Variants in VSTM4 observed in about 807,000 individuals in gnomAD.
VSTM4 encodes V-set and transmembrane domain-containing protein 4.
In VSTM4, 20 loss-of-function variants were observed where a neutral mutation model predicts 36.4. The observed-to-expected ratio is 0.55, with a 90% CI of 0.39 to 0.80. VSTM4 has a LOEUF of 0.80. Ranked by LOEUF, VSTM4 falls within the 30% of genes least tolerant of loss-of-function variation. The pLI is 0.00. For missense variants in VSTM4, 392 were observed against 404.5 expected (o/e 0.97, Z 0.26); for synonymous variants, 182 against 173.9 (o/e 1.05, Z -0.37).
At chr10:49,024,050 A>G (rs781309716) in intron 7 of VSTM4, among the ~76,000 whole-genome samples, 1 of 152,200 alleles carries the variant, frequency 6.6e-6, no homozygotes, top group Non-Finnish European at 1.5e-5. Context: ...ATCCTTTAGA[A>G]AAAGCCCTAG....
At chr10:49,089,601 G>C (rs1422081688) in intron 2 of VSTM4, among the ~76,000 whole-genome samples, 2 of 152,196 alleles carry the variant, frequency 1.3e-5, no homozygotes, top group Non-Finnish European at 2.9e-5. Flanking sequence ...CCCTATGCAA[G>C]GAATCACTGG....
intron 2 of VSTM4, among the ~76,000 whole-genome samples, chr10:49,090,077 T>A (rs1452401060): frequency 6.6e-6 from 1 of 152,072 alleles, no homozygotes; most frequent in Non-Finnish European, 1.5e-5. Context: ...TGAGAAAAAA[T>A]TTGGCAAGAC....
rs141578717 is a variant in VSTM4 at position 49,082,511 on chromosome 10, C to T, written c.526+3444G>A. Among the ~76,000 whole-genome samples, 341 of 152,132 alleles carry T rather than the reference C, an allele frequency of 2.2e-3. 3 individuals are homozygous for T. The highest frequency in any genetic ancestry group is 7.9e-3 in the African/African-American group (328 of 41,506). The stretch of plus-strand genomic sequence containing the variant: ...AAACAAATTAGTACAAATTTTTGTA[C>T]TAAAAATACAAAAATTAGCCAGGTG... On this transcript the variant is annotated intron_variant, in intron 3 of 7. Coordinates refer to ENST00000332853, the MANE Select transcript of VSTM4 (RefSeq NM_001031746.5).
intron 7 of VSTM4, among the ~76,000 whole-genome samples, chr10:49,042,869 G>T (rs1009862655): frequency 6.6e-6 from 1 of 152,158 alleles, no homozygotes; most frequent in African/African-American, 2.4e-5. Flanking sequence ...TTTTATATAG[G>T]CTATCAGGAC....
intron 2 of VSTM4, among the ~76,000 whole-genome samples, chr10:49,101,372 C>A (rs1034937040): frequency 1.5e-4 from 23 of 152,214 alleles, no homozygotes; most frequent in African/African-American, 4.3e-4. Flanking sequence ...CAGATCTACA[C>A]ACACACGTAC....
chr10:49,026,034 C>T (rs114489072), intron 7 of VSTM4, among the ~76,000 whole-genome samples: 2,031 of 152,270 alleles, frequency 0.013, 47 homozygotes, highest in African/African-American at 0.046. Flanking sequence ...ACAGAAAAAT[C>T]CTAGAGGAAA....
Position 49,016,804 on chromosome 10 carries a change from G to C in VSTM4, c.*2846C>G, listed in dbSNP as rs1005587770. On this transcript the variant is annotated 3_prime_UTR_variant, in exon 8 of 8. Transcript: ENST00000332853. ...CCTCTCCTCCACTACAGCTGCTTCA[G>C]GGCAGGCCTCGGGGCTTTGGCTTGG... 2 of 152,252 alleles carry C rather than the reference G, an allele frequency of 1.3e-5. No individual in the cohort carries two copies. Among genetic ancestry groups the C allele is most frequent in the East Asian group, 3.8e-4 (2 of 5,200 alleles). 9.4% of individuals were successfully genotyped at this position (152,252 alleles called of 1,614,324 possible).
At chr10:49,072,876 C>G (rs1590107161) in intron 4 of VSTM4, among the ~76,000 whole-genome samples, 1 of 152,230 alleles carries the variant, frequency 6.6e-6, no homozygotes, top group Non-Finnish European at 1.5e-5. Flanking sequence ...AAGAACCACC[C>G]AGTTGCACCC....
At chr10:49,066,778 C>T (rs147710404) in intron 4 of VSTM4, among the ~76,000 whole-genome samples, 92 of 151,950 alleles carry the variant, frequency 6.1e-4, no homozygotes, top group African/African-American at 2.2e-3. Context: ...TTGTGCAATA[C>T]TAATAAGTCA....
intron 2 of VSTM4, 143 bp from the exon 3 acceptor site, chr10:49,086,166 C>A (rs942895111): frequency 9.7e-6 from 5 of 514,584 alleles, no homozygotes; most frequent in Non-Finnish European, 1.7e-5. Context: ...GGTGCAAGGA[C>A]TTTACCTAAC....
At chr10:49,044,395 G>A (rs547316728) in intron 7 of VSTM4, among the ~76,000 whole-genome samples, 2 of 138,406 alleles carry the variant, frequency 1.4e-5, no homozygotes, top group South Asian at 2.3e-4. Flanking sequence ...AGGAGAGAGA[G>A]AGAAAGAAAA....
intron 3 of VSTM4, among the ~76,000 whole-genome samples, chr10:49,084,873 T>C (rs189209003): frequency 2.6e-4 from 39 of 152,358 alleles, no homozygotes; most frequent in African/African-American, 9.4e-4. Context: ...GCACTCTGGA[T>C]ACTTGGAGCC....
intron 7 of VSTM4, among the ~76,000 whole-genome samples, chr10:49,033,529 T>G (rs1464348516): frequency 6.6e-6 from 1 of 152,228 alleles, no homozygotes; most frequent in African/African-American, 2.4e-5. Flanking sequence ...CAAATGGAGA[T>G]TCTGATTGCC....
At chr10:49,052,906 G>A (rs1465710079) in intron 5 of VSTM4, among the ~76,000 whole-genome samples, 3 of 151,988 alleles carry the variant, frequency 2.0e-5, no homozygotes, top group Admixed American at 1.3e-4. Flanking sequence ...TTCATATTTC[G>A]ACAATTTGAT....
rs1474252829 is a variant in VSTM4 at position 49,107,692 on chromosome 10, G to A, written c.359C>T (p.Ser120Phe). 3.1e-6 allele frequency: 5 copies of A among 1,614,118 alleles called. No individual in the cohort carries two copies. Among genetic ancestry groups the A allele is most frequent in the Non-Finnish European group, 3.4e-6 (4 of 1,180,046 alleles). The part of the protein sequence containing the change: ...YRLSVLTLQP[S>F]DQGHYVCRVQ... ...TCTGCAGACGTAATGCCCTTGATCG[G>A]AGGGCTGCAGTGTCAAGACGGAGAG... Residue 120 changes from serine to phenylalanine, a missense_variant, in exon 2 of 8, where the codon TCC (serine) becomes TTC (phenylalanine). Transcript: ENST00000332853.
chr10:49,095,490 C>T (rs1198123243), intron 2 of VSTM4, among the ~76,000 whole-genome samples: 1 of 152,154 alleles, frequency 6.6e-6, no homozygotes, highest in Non-Finnish European at 1.5e-5. Flanking sequence ...TTGCTGCCCA[C>T]CCCTGTCCCC....
intron 2 of VSTM4, among the ~76,000 whole-genome samples, chr10:49,090,534 A>G (rs1433879919): frequency 6.6e-6 from 1 of 152,146 alleles, no homozygotes; most frequent in Non-Finnish European, 1.5e-5. Context: ...TTTTCATGAT[A>G]GGGAGGAGAA....
intron 3 of VSTM4, among the ~76,000 whole-genome samples, chr10:49,078,134 G>A (rs968999326): frequency 6.6e-6 from 1 of 152,192 alleles, no homozygotes; most frequent in African/African-American, 2.4e-5. Flanking sequence ...CTTTCAGGGT[G>A]GCTAAAATAA....
intron 7 of VSTM4, among the ~76,000 whole-genome samples, chr10:49,026,515 T>C (rs756578571): frequency 3.1e-4 from 47 of 152,124 alleles, no homozygotes; most frequent in Non-Finnish European, 5.4e-4. Flanking sequence ...GTGAAATACA[T>C]AAAATAAACC....
Sources: gnomAD v4.1 joint callset for allele counts (sites outside exome capture counted in the v4.1 genomes callset) on GRCh38, gnomAD v4.1.1 for gene constraint, MANE v1.5 for transcripts, NCBI Gene and HGNC (gene_info 2026-07-23, HGNC 2026-07-21) for gene names.